Variants in TBC1D32 observed in about 807,000 individuals in gnomAD.
The protein encoded by TBC1D32 is TBC1 domain family member 32.
A neutral mutation model predicts 170.3 loss-of-function variants in TBC1D32; 151 were observed. The observed-to-expected ratio is 0.89, with a 90% confidence interval of 0.78 to 1.01. TBC1D32 has a LOEUF of 1.01. Among genes scored for constraint, TBC1D32 ranks in the 50% least tolerant of loss-of-function variants. TBC1D32 has a pLI of 0.00. For synonymous variants in TBC1D32, 498 were observed against 488.0 expected (o/e 1.02, Z -0.27); for missense variants, 1,464 against 1,457.1 (o/e 1.00, Z -0.08).
rs781411388 is a variant in TBC1D32, at chr6:121,283,799, A to C, written c.1465+19T>G. 6.5e-6 allele frequency: 10 copies of C among 1,534,684 alleles called. No individual in the cohort carries two copies. In the East Asian group the frequency reaches 2.0e-4, roughly 31 times the overall value. Reference sequence around the variant, plus strand: ...TTAGATGTTTTATATTTCTCTATTTAAAATAGAAACAGAATTACCTGAATG... The same window carrying C: ...TTAGATGTTTTATATTTCTCTATTTCAAATAGAAACAGAATTACCTGAATG... On this transcript the variant is annotated intron_variant, in intron 13 of 31. Transcript: ENST00000398212.
chr6:121,208,729 G>GAAAAAAAAAAAAAAAA (rs57771111), intron 21 of TBC1D32, among the ~76,000 whole-genome samples: 1 of 86,896 alleles, frequency 1.2e-5, no homozygotes, highest in Non-Finnish European at 2.4e-5. Flanking sequence ...GAAACACCTG[G>GAAAAAAAAAAAAAAAA]AAAAAAAAAA....
rs776487629 is a variant in TBC1D32 at position 121,091,026 on chromosome 6, T to G, written c.3481A>C (p.Ile1161Leu). The stretch of plus-strand genomic sequence containing the variant: ...AAGTAATTCCAAAAACACTGGGTTA[T>G]CCATTGCAGGCAAATCTTTAAAAAA... ...FAPSQICLQW[I>L]TQCFWNYLDW... Residue 1161 changes from isoleucine (I) to leucine (L), a missense_variant, in exon 31 of 32, where the codon ATA becomes CTA. Ile to Leu is a conservative substitution (Grantham distance 5, BLOSUM62 2). Coordinates refer to ENST00000398212, the MANE Select transcript of TBC1D32 (RefSeq NM_152730.6). 6.3e-7 allele frequency: 1 copy of G among 1,591,702 alleles called. No homozygotes were observed. Among genetic ancestry groups the G allele is most frequent in the Non-Finnish European group, 8.5e-7 (1 of 1,175,222 alleles).
At chr6:121,263,986 G>C (rs1331397731) in intron 15 of TBC1D32, among the ~76,000 whole-genome samples, 3 of 152,228 alleles carry the variant, frequency 2.0e-5, no homozygotes, top group East Asian at 3.9e-4. Context: ...CAGGAAGCTA[G>C]AAAGATCTCA....
intron 24 of TBC1D32, among the ~76,000 whole-genome samples, chr6:121,156,142 G>A (rs1297753266): frequency 1.4e-5 from 2 of 147,856 alleles, no homozygotes; most frequent in Admixed American, 7.2e-5. Flanking sequence ...CTGGTCCCAG[G>A]CTTTTTTTTT....
intron 15 of TBC1D32, among the ~76,000 whole-genome samples, chr6:121,257,325 CA>C (rs1389849576): frequency 1.8e-4 from 27 of 152,062 alleles, no homozygotes; most frequent in African/African-American, 4.8e-4. Context: ...CTGGATGTCC[CA>C]ATTTTAGTGG....
chr6:121,099,447 T>G (rs1209225298), intron 30 of TBC1D32, among the ~76,000 whole-genome samples: 1 of 151,974 alleles, frequency 6.6e-6, no homozygotes, highest in Non-Finnish European at 1.5e-5. Flanking sequence ...CTACATTTAA[T>G]TTTTTGTACT....
At chr6:121,276,166 G>C (rs1802188610) in intron 15 of TBC1D32, among the ~76,000 whole-genome samples, 1 of 151,138 alleles carries the variant, frequency 6.6e-6, no homozygotes, top group Non-Finnish European at 1.5e-5. Context: ...ACATCTAACG[G>C]ACAAGTTTAT....
chr6:121,117,109 T>C (rs1234841722), intron 26 of TBC1D32, among the ~76,000 whole-genome samples: 1 of 152,120 alleles, frequency 6.6e-6, no homozygotes, highest in Non-Finnish European at 1.5e-5. Flanking sequence ...AGATTTACAT[T>C]TGAAGGAATA....
chr6:121,095,739 A>C (rs950531147), intron 30 of TBC1D32, among the ~76,000 whole-genome samples: 1 of 152,024 alleles, frequency 6.6e-6, no homozygotes, highest in African/African-American at 2.4e-5. Context: ...ACATTTATTG[A>C]TTTGCGTATG....
chr6:121,209,393 C>T (rs1033006274), intron 21 of TBC1D32, among the ~76,000 whole-genome samples: 8 of 152,178 alleles, frequency 5.3e-5, no homozygotes, highest in African/African-American at 1.9e-4. Context: ...GTATTGCTAA[C>T]TATAGGCACT....
At chr6:121,201,550 C>A (rs755039365) in intron 22 of TBC1D32, among the ~76,000 whole-genome samples, 1 of 151,246 alleles carries the variant, frequency 6.6e-6, no homozygotes, top group African/African-American at 2.5e-5. Flanking sequence ...TTTCTCTTTA[C>A]CTTAGAGGAA....
At chr6:121,270,654 G>A (rs1186360454) in intron 15 of TBC1D32, among the ~76,000 whole-genome samples, 1 of 152,068 alleles carries the variant, frequency 6.6e-6, no homozygotes, top group Non-Finnish European at 1.5e-5. Flanking sequence ...AGGACCAGAC[G>A]GATTCACAGC....
At chr6:121,272,249 T>C (rs1801553737) in intron 15 of TBC1D32, among the ~76,000 whole-genome samples, 1 of 151,932 alleles carries the variant, frequency 6.6e-6, no homozygotes, top group Non-Finnish European at 1.5e-5. Flanking sequence ...AAGCCAAAAT[T>C]GACAAATGGG....
At chr6:121,334,487 C>G (rs1811629547), upstream of TBC1D32, 1 of 1,548,812 alleles carries the variant, frequency 6.5e-7, no homozygotes, top group Non-Finnish European at 8.7e-7. Context: ...AAGCCGCGCA[C>G]TGCGCACGCG....
chr6:121,277,596 G>C lies in TBC1D32; in HGVS notation c.1733+1525C>G, dbSNP rs187079616. Among the ~76,000 whole-genome samples the C allele has an allele frequency of 2.1e-3, 319 of 150,408 alleles. 3 individuals are homozygous for C. The highest frequency in any genetic ancestry group is 0.01 in the Middle Eastern group (3 of 290). Reference sequence around the variant, plus strand: ...AAGATACAACTTATCAAAACTATGAGATGTAGGAAAGATGTGGTTTAGAGG... The same window carrying C: ...AAGATACAACTTATCAAAACTATGACATGTAGGAAAGATGTGGTTTAGAGG... On this transcript the variant is annotated intron_variant, in intron 15 of 31. Coordinates refer to ENST00000398212, the MANE Select transcript of TBC1D32 (RefSeq NM_152730.6).
intron 21 of TBC1D32, among the ~76,000 whole-genome samples, chr6:121,208,560 G>C (rs1356250578): frequency 6.6e-6 from 1 of 151,760 alleles, no homozygotes; most frequent in East Asian, 1.9e-4. Context: ...TCTGGGTAGG[G>C]ACACAGCCAA....
intron 10 of TBC1D32, among the ~76,000 whole-genome samples, chr6:121,298,780 T>C (rs895218395): frequency 5.3e-5 from 8 of 152,112 alleles, no homozygotes; most frequent in Non-Finnish European, 1.2e-4. Flanking sequence ...AATCTTTTCT[T>C]CACCTGACTT....
chr6:121,089,997 G>A (rs559049967), intron 31 of TBC1D32, among the ~76,000 whole-genome samples: 2 of 151,092 alleles, frequency 1.3e-5, no homozygotes, highest in African/African-American at 4.9e-5. Context: ...GCAGTGGTGC[G>A]ATCTCGGCTC....
At position 121,317,546 on chromosome 6, in the gene TBC1D32, G is replaced by C; in HGVS notation, c.444C>G (p.Ser148Arg). Residue 148 changes from serine to arginine, a missense_variant, in exon 3 of 32, where the codon AGC (serine) becomes AGG (arginine). Around this residue, in one of 3 missense-constraint regions of TBC1D32, gnomAD observed 1,363 missense variants for 1,338.1 expected, o/e 1.02. Coordinates refer to ENST00000398212, the MANE Select transcript of TBC1D32 (RefSeq NM_152730.6). The stretch of plus-strand genomic sequence containing the variant: ...AGCAATTGTCTGTGCGGTAACTATG[G>C]CTTTTCTCCTTTTGGATTTTTTTCT... ...ERQKKIQKEK[S>R]HSYRTDNCSD... is the part of the protein sequence containing the mutation. 6.2e-7 allele frequency: 1 copy of C among 1,612,448 alleles called. No individual in the cohort carries two copies. Among genetic ancestry groups the C allele is most frequent in the Non-Finnish European group, 8.5e-7 (1 of 1,179,206 alleles).
Sources: gnomAD v4.1 joint callset for allele counts (sites outside exome capture counted in the v4.1 genomes callset) on GRCh38, gnomAD v4.1.1 for gene constraint, gnomAD v4.1.1 regional missense constraint, MANE v1.5 for transcripts, NCBI Gene and HGNC (gene_info 2026-07-23, HGNC 2026-07-21) for gene names.